Variants in MTERF4 observed in about 807,000 individuals in gnomAD.
MTERF4 encodes the protein transcription termination factor 4, mitochondrial.
A neutral mutation model predicts 22.5 loss-of-function variants in MTERF4; 17 were observed. That is an observed-to-expected ratio of 0.75 (90% CI 0.52 to 1.13). The LOEUF is 1.13. Among genes scored for constraint, MTERF4 ranks in the 50% most tolerant of loss-of-function variants. The pLI, the probability that MTERF4 is intolerant of heterozygous loss-of-function variation, is 0.00. For missense variants in MTERF4, 420 were observed against 466.8 expected (o/e 0.90, Z 0.92); for synonymous variants, 165 against 175.3 (o/e 0.94, Z 0.47).
At chr2:241,071,117 G>A (rs977075515), downstream of MTERF4, among the ~76,000 whole-genome samples, 6 of 152,328 alleles carry the variant, frequency 3.9e-5, no homozygotes, top group Admixed American at 1.3e-4. Context: ...GGAGGCTGAA[G>A]GACGCTGTTA....
chr2:241,048,983 A>G, the MTERF4 span: 1 of 1,534,238 alleles, frequency 6.5e-7, no homozygotes, highest in Non-Finnish European at 8.9e-7. Context: ...GCTGGAAGAC[A>G]TGTGGAATAT....
At chr2:241,058,395 GA>G in the MTERF4 span, among the ~76,000 whole-genome samples, 1 of 151,874 alleles carries the variant, frequency 6.6e-6, no homozygotes. Context: ...AAAAAAATAC[GA>G]AATGATGCTG....
chr2:241,095,767 G>C lies in MTERF4; in HGVS notation c.*231C>G. ...AACATAAGTATCTTATTCAGGATGG[G>C]ACAGGGCCCTCCCCACAGACACGTG... On this transcript the variant is annotated 3_prime_UTR_variant, in exon 4 of 4. Coordinates refer to ENST00000391980, the MANE Select transcript of MTERF4 (RefSeq NM_182501.4). 2 of 667,470 alleles carry C rather than the reference G, an allele frequency of 3.0e-6. No homozygotes were observed. The highest frequency in any genetic ancestry group is 5.0e-6 in the Non-Finnish European group (2 of 401,862). The allele number at this position is 667,470 out of a possible 1,614,324, so 41.3% of individuals were successfully genotyped here. A position where few individuals can be genotyped will look rare whatever the true frequency, so the allele number is the denominator to read the frequency against.
chr2:241,044,879 C>T, the MTERF4 span, among the ~76,000 whole-genome samples: 11 of 152,220 alleles, frequency 7.2e-5, no homozygotes, highest in East Asian at 5.8e-4. Context: ...AAATAAAAGC[C>T]GCAGCGTTTT....
chr2:241,051,621 C>G, the MTERF4 span: 1 of 773,100 alleles, frequency 1.3e-6, no homozygotes, highest in Non-Finnish European at 2.0e-6. This position sits in a 1 kb window ranked among gnomAD's most constrained non-coding sequence, Gnocchi z 4.7. Context: ...CAGCCAGGCC[C>G]CAGGGCTTCG....
rs766609524 is a variant in MTERF4 at position 241,099,452 on chromosome 2, G to A, written c.464C>T (p.Pro155Leu). 2 of 1,614,158 alleles carry A rather than the reference G, an allele frequency of 1.2e-6. No individual in the cohort carries two copies. The highest frequency in any genetic ancestry group is 1.7e-6 in the Non-Finnish European group (2 of 1,180,046). ...GGAGCGCTTCCTCATTTGCATAATA[G>A]GCAGTTTCAATAACTGGGGACTTTT... Reference protein sequence around the residue: ...LKKSPQLLKLPIMQMRKRSSY... With the variant: ...LKKSPQLLKLLIMQMRKRSSY... The change falls in exon 2 of 4, where the codon CCT becomes CTT. Residue 155 changes from proline (P) to leucine (L), a missense_variant. Coordinates refer to ENST00000391980, the MANE Select transcript of MTERF4 (RefSeq NM_182501.4).
the MTERF4 span, chr2:241,052,411 G>C: frequency 6.2e-7 from 1 of 1,605,182 alleles, no homozygotes; most frequent in Non-Finnish European, 8.5e-7. Context: ...CGAGGACCGG[G>C]ACACGGATTT....
intron 2 of MTERF4, chr2:241,099,081 C>CTTT: frequency 3.1e-5 from 6 of 193,856 alleles, no homozygotes; most frequent in South Asian, 2.0e-4. Flanking sequence ...TATATAAAAT[C>CTTT]TTTTTTTTTT....
chr2:241,098,718 C>T (rs1037839088), intron 2 of MTERF4, among the ~76,000 whole-genome samples: 1 of 152,228 alleles, frequency 6.6e-6, no homozygotes, highest in Non-Finnish European at 1.5e-5. Flanking sequence ...AGCACTAAGA[C>T]CATTTCATGT....
At chr2:241,063,956 T>TC in the MTERF4 span, 1 of 1,290,468 alleles carries the variant, frequency 7.7e-7, no homozygotes, top group Admixed American at 2.1e-5. Context: ...TGTCCTCTCC[T>TC]CCCTCCCCCA....
At chr2:241,049,912 C>G in the MTERF4 span, 1 of 1,613,472 alleles carries the variant, frequency 6.2e-7, no homozygotes, top group Non-Finnish European at 8.5e-7. Flanking sequence ...GCGCGGGTTC[C>G]ACGGCAAGCA....
At chr2:241,071,756 C>A, downstream of MTERF4, 1 of 1,500,346 alleles carries the variant, frequency 6.7e-7, no homozygotes. Context: ...TCGCCCGAGG[C>A]GGCGCTCGGA....
chr2:241,048,796 G>A, the MTERF4 span: 1 of 1,534,166 alleles, frequency 6.5e-7, no homozygotes, highest in Non-Finnish European at 8.9e-7. Context: ...TTCCTGCCCT[G>A]TCCCTGAGCA....
the MTERF4 span, chr2:241,052,288 G>A: frequency 6.8e-7 from 1 of 1,466,152 alleles, no homozygotes; most frequent in Non-Finnish European, 9.4e-7. Context: ...CAGGAGGCAG[G>A]ATGCCCCACA....
the MTERF4 span, chr2:241,053,371 C>T: frequency 6.6e-7 from 1 of 1,508,772 alleles, no homozygotes; most frequent in African/African-American, 1.4e-5. Context: ...GGCCCACACC[C>T]TCCTCATCCT....
chr2:241,043,847 G>A, the MTERF4 span, among the ~76,000 whole-genome samples: 1 of 152,186 alleles, frequency 6.6e-6, no homozygotes, highest in African/African-American at 2.4e-5. Context: ...GTATGGCTGT[G>A]TTCCAATAAA....
At chr2:241,089,451 A>G, downstream of MTERF4, 1 of 1,542,608 alleles carries the variant, frequency 6.5e-7, no homozygotes, top group East Asian at 2.4e-5. Context: ...GCTCACACAC[A>G]CCAAAGGAAG....
chr2:241,055,499 G>A, the MTERF4 span, among the ~76,000 whole-genome samples: 2 of 152,212 alleles, frequency 1.3e-5, no homozygotes, highest in African/African-American at 2.4e-5. Flanking sequence ...TGGTTAGGGT[G>A]TAGACAGTCA....
chr2:241,060,113 GC>G, the MTERF4 span, among the ~76,000 whole-genome samples: 1 of 151,974 alleles, frequency 6.6e-6, no homozygotes, highest in Non-Finnish European at 1.5e-5. Context: ...TACATTAATA[GC>G]ATCAAAAACA....
Sources: allele counts gnomAD v4.1 joint callset (sites outside exome capture counted in the v4.1 genomes callset), GRCh38; gene constraint gnomAD v4.1.1; non-coding constraint Gnocchi (gnomAD v3.1); transcripts MANE v1.5; gene names NCBI Gene and HGNC (gene_info 2026-07-23, HGNC 2026-07-21).